The following FAM171A1 variants were observed in gnomAD, a reference collection of about 807,000 sequenced individuals.
FAM171A1 encodes protein FAM171A1.
In FAM171A1, 23 loss-of-function variants were observed where a neutral mutation model predicts 74.9. That is an observed-to-expected ratio of 0.31 (90% CI 0.22 to 0.44). The LOEUF is 0.44. Among genes scored for constraint, FAM171A1 ranks in the 20% least tolerant of loss-of-function variants. The pLI, the probability that FAM171A1 is intolerant of heterozygous loss-of-function variation, is 1.00. For missense variants in FAM171A1, 1,162 were observed against 1,159.2 expected, an observed-to-expected ratio of 1.00 and a Z score of -0.03; for synonymous variants, 527 against 505.7, an observed-to-expected ratio of 1.04 and a Z score of -0.57.
chr10:15,309,737 T>C lies in FAM171A1; in HGVS notation c.98-25632A>G, dbSNP rs963530537. On this transcript the variant is annotated intron_variant, in intron 1 of 7. Coordinates refer to ENST00000378116, the MANE Select transcript of FAM171A1 (RefSeq NM_001010924.2). Reference sequence around the variant, plus strand: ...CTAATCCCACCTAACTTCTAAAGACTTTCCTCAGGACTTGCAGGAAATCTG... The same window carrying C: ...CTAATCCCACCTAACTTCTAAAGACCTTCCTCAGGACTTGCAGGAAATCTG... 2.6e-5 allele frequency among the ~76,000 whole-genome samples: 4 copies of C among 152,374 alleles called. No homozygotes were observed. In the East Asian group the frequency reaches 7.7e-4, roughly 29 times the overall value.
chr10:15,322,803 G>A (rs1399886909), intron 1 of FAM171A1, among the ~76,000 whole-genome samples: 1 of 152,176 alleles, frequency 6.6e-6, no homozygotes, highest in Non-Finnish European at 1.5e-5. Context: ...GAGACTGATC[G>A]ATGCAAACAA....
intron 5 of FAM171A1, among the ~76,000 whole-genome samples, chr10:15,225,735 A>G (rs1176571121): frequency 6.6e-6 from 1 of 152,130 alleles, no homozygotes; most frequent in Non-Finnish European, 1.5e-5. Flanking sequence ...TCATGCGGTG[A>G]GAGCCTCGGG....
intron 3 of FAM171A1, among the ~76,000 whole-genome samples, chr10:15,270,207 C>A (rs529934945): frequency 7.2e-4 from 110 of 152,216 alleles, no homozygotes; most frequent in Non-Finnish European, 1.1e-3. Flanking sequence ...ACAGTCTTAG[C>A]AAACGGCACA....
Position 15,284,222 on chromosome 10 carries a change from A to C in FAM171A1, c.98-117T>G. 5.8e-6 allele frequency: 5 copies of C among 863,858 alleles called. No individual in the cohort carries two copies. In the South Asian group the frequency reaches 8.6e-5, roughly 15 times the overall value. The allele number at this position is 863,858 out of a possible 1,614,324, so 53.5% of individuals were successfully genotyped here. On this transcript the variant is annotated intron_variant, in intron 1 of 7. Coordinates refer to ENST00000378116, the MANE Select transcript of FAM171A1 (RefSeq NM_001010924.2). ...GCTCTGTAAGGACATCAAGGTTGACACTCAAAATATGCAGTTTTTACCAGA... is the reference window on the plus strand; with the variant it reads ...GCTCTGTAAGGACATCAAGGTTGACCCTCAAAATATGCAGTTTTTACCAGA...
intron 1 of FAM171A1, among the ~76,000 whole-genome samples, chr10:15,305,586 G>A (rs948457156): frequency 9.7e-5 from 14 of 144,640 alleles, no homozygotes. Context: ...AAAATGGCTT[G>A]AGGTCAGGAG....
At chr10:15,282,337 CG>C (rs1272482673) in intron 2 of FAM171A1, among the ~76,000 whole-genome samples, 4 of 152,242 alleles carry the variant, frequency 2.6e-5, no homozygotes, top group South Asian at 2.1e-4. Context: ...CAGCTTTGTT[CG>C]GGCATGAGTT....
chr10:15,241,189 G>A (rs1009994996), intron 5 of FAM171A1: 2 of 152,198 alleles, frequency 1.3e-5, no homozygotes, highest in African/African-American at 4.8e-5. Context: ...GTCACTCTGA[G>A]TATCAGTTGT....
intron 5 of FAM171A1, among the ~76,000 whole-genome samples, chr10:15,244,675 G>C (rs1834408267): frequency 6.6e-6 from 1 of 152,154 alleles, no homozygotes; most frequent in African/African-American, 2.4e-5. Flanking sequence ...GGGAGTAACT[G>C]GTACCCACAC....
chr10:15,357,026 C>T (rs2131885463), intron 1 of FAM171A1, among the ~76,000 whole-genome samples: 1 of 152,148 alleles, frequency 6.6e-6, no homozygotes, highest in African/African-American at 2.4e-5. Flanking sequence ...TGCCTGTAAT[C>T]CCAGCACTTT....
chr10:15,294,492 C>G (rs1310087416), intron 1 of FAM171A1, among the ~76,000 whole-genome samples: 1 of 152,188 alleles, frequency 6.6e-6, no homozygotes, highest in Non-Finnish European at 1.5e-5. Context: ...TTTTATCAGC[C>G]AATTGCAGAG....
At chr10:15,305,032 C>T (rs992140714) in intron 1 of FAM171A1, among the ~76,000 whole-genome samples, 1 of 152,194 alleles carries the variant, frequency 6.6e-6, no homozygotes, top group East Asian at 1.9e-4. Context: ...CCACAGCACC[C>T]GGCCAAGTAA....
chr10:15,369,823 C>A (rs571385557), intron 1 of FAM171A1, among the ~76,000 whole-genome samples: 1 of 152,314 alleles, frequency 6.6e-6, no homozygotes, highest in South Asian at 2.1e-4. Flanking sequence ...CTTTGGCCTG[C>A]AGGGCCAACT....
chr10:15,364,306 A>C (rs7912836), intron 1 of FAM171A1, among the ~76,000 whole-genome samples: 53,338 of 151,964 alleles, frequency 0.35, 11,462 homozygotes, highest in East Asian at 0.64. Flanking sequence ...GAACATAAGA[A>C]AAGCCACAGC....
chr10:15,271,228 C>T (rs10796270), intron 3 of FAM171A1, among the ~76,000 whole-genome samples: 44,789 of 151,998 alleles, frequency 0.29, 7,879 homozygotes, highest in East Asian at 0.56. Flanking sequence ...ACAAGAACTA[C>T]GTGACACATG....
chr10:15,234,119 G>A (rs1214297175), intron 5 of FAM171A1, among the ~76,000 whole-genome samples: 1 of 151,846 alleles, frequency 6.6e-6, no homozygotes, highest in Non-Finnish European at 1.5e-5. Context: ...GAAGTTTCAG[G>A]CGTGATGAAG....
intron 1 of FAM171A1, among the ~76,000 whole-genome samples, chr10:15,357,417 C>A (rs754288643): frequency 3.3e-5 from 5 of 151,988 alleles, no homozygotes; most frequent in African/African-American, 4.8e-5. Context: ...AGACAGAAAA[C>A]TAATCTGTAG....
chr10:15,357,804 G>A (rs1486075844), intron 1 of FAM171A1, among the ~76,000 whole-genome samples: 1 of 152,166 alleles, frequency 6.6e-6, no homozygotes, highest in South Asian at 2.1e-4. Context: ...GTTAATTACA[G>A]AGCCTAAGTG....
rs71505064 is a variant in FAM171A1, at chr10:15,288,813, CTTTTTTTTTT to C, written c.98-4718_98-4709del. ...AAAATGTCAGTATGATTCGGTAATT[CTTTTTTTTTT>C]TTTTTTTTTTTTTTTTGAGACAGAG... On this transcript the variant is annotated intron_variant, in intron 1 of 7. Transcript: ENST00000378116. Among the ~76,000 whole-genome samples, 16 of 73,696 alleles carry C rather than the reference CTTTTTTTTTT, an allele frequency of 2.2e-4. No homozygotes were observed. In the South Asian group the frequency reaches 2.4e-3, roughly 11 times the overall value. The allele number at this position is 73,696 out of a possible 152,430, so 48.3% of individuals were successfully genotyped here.
intron 1 of FAM171A1, among the ~76,000 whole-genome samples, chr10:15,317,816 G>T (rs566620654): frequency 3.3e-5 from 5 of 151,816 alleles, no homozygotes; most frequent in Middle Eastern, 3.5e-3. Flanking sequence ...TTTGAGACAG[G>T]GTCTTGCTCT....
Sources: gnomAD v4.1 joint callset for allele counts (sites outside exome capture counted in the v4.1 genomes callset) on GRCh38, gnomAD v4.1.1 for gene constraint, MANE v1.5 for transcripts, NCBI Gene and HGNC (gene_info 2026-07-23, HGNC 2026-07-21) for gene names.